OPCML: variants seen among roughly 807,000 people sequenced by gnomAD.
The protein encoded by OPCML is opioid binding protein/cell adhesion molecule like.
Under a neutral mutation model 37.8 loss-of-function variants are expected in OPCML, and 13 were observed. That is an observed-to-expected ratio of 0.34 (90% CI 0.22 to 0.55). The LOEUF is 0.55. Among genes scored for constraint, OPCML ranks in the 20% least tolerant of loss-of-function variants. The pLI, the probability that OPCML is intolerant of heterozygous loss-of-function variation, is 0.91. For missense variants in OPCML, 341 were observed against 435.6 expected (o/e 0.78, Z 1.93); for synonymous variants, 176 against 168.8 (o/e 1.04, Z -0.33).
At chr11:132,457,385 C>G (rs2512714) in intron 4 of OPCML, among the ~76,000 whole-genome samples, 1 of 151,956 alleles carries the variant, frequency 6.6e-6, no homozygotes, top group African/African-American at 2.4e-5. Flanking sequence ...AAGACCAAAC[C>G]TACACTGATA....
chr11:133,220,589 G>A (rs541962536), intron 1 of OPCML, among the ~76,000 whole-genome samples: 26 of 152,146 alleles, frequency 1.7e-4, no homozygotes, highest in African/African-American at 3.6e-4. Flanking sequence ...CTCAAGGAAC[G>A]CAGGCACTTT....
intron 1 of OPCML, among the ~76,000 whole-genome samples, chr11:133,266,201 T>C (rs1260913136): frequency 6.6e-6 from 1 of 152,162 alleles, no homozygotes; most frequent in African/African-American, 2.4e-5. Flanking sequence ...GGGAACGAAC[T>C]GAGGTGGCTT....
At chr11:133,357,838 G>C (rs965890839) in intron 1 of OPCML, among the ~76,000 whole-genome samples, 2 of 152,080 alleles carry the variant, frequency 1.3e-5, no homozygotes, top group African/African-American at 2.4e-5. Flanking sequence ...CAGGCTACTA[G>C]CACATTCAAA....
chr11:132,757,880 T>C (rs571883536), intron 2 of OPCML, among the ~76,000 whole-genome samples: 1 of 152,364 alleles, frequency 6.6e-6, no homozygotes, highest in South Asian at 2.1e-4. Flanking sequence ...TCCATGCCTA[T>C]GTCCTGAATG....
At chr11:133,452,293 C>A (rs1267408491) in intron 1 of OPCML, among the ~76,000 whole-genome samples, 3 of 138,266 alleles carry the variant, frequency 2.2e-5, no homozygotes, top group Non-Finnish European at 3.0e-5. Context: ...ACTTTAAAAT[C>A]TATTAAAATG....
At chr11:132,962,570 G>C (rs1946117115) in intron 1 of OPCML, among the ~76,000 whole-genome samples, 1 of 152,212 alleles carries the variant, frequency 6.6e-6, no homozygotes, top group South Asian at 2.1e-4. Context: ...TCTCATATTT[G>C]TCACAGAGGG....
intron 2 of OPCML, among the ~76,000 whole-genome samples, chr11:132,709,600 G>A (rs1944176728): frequency 6.6e-6 from 1 of 152,158 alleles, no homozygotes; most frequent in South Asian, 2.1e-4. Flanking sequence ...CAGGTATTCT[G>A]TAGCATGCCC....
chr11:133,156,180 C>T (rs1419236473), intron 1 of OPCML, among the ~76,000 whole-genome samples: 2 of 152,136 alleles, frequency 1.3e-5, no homozygotes, highest in African/African-American at 4.8e-5. Context: ...AAACAGAGCT[C>T]CCATTTTTAT....
chr11:132,660,479 C>A (rs540516246), intron 2 of OPCML, among the ~76,000 whole-genome samples: 14 of 152,262 alleles, frequency 9.2e-5, no homozygotes, highest in African/African-American at 3.4e-4. Context: ...CATTCAATTT[C>A]TCAGTATCTG....
At chr11:133,307,560 C>T (rs1267950913) in intron 1 of OPCML, among the ~76,000 whole-genome samples, 1 of 152,172 alleles carries the variant, frequency 6.6e-6, no homozygotes, top group Admixed American at 6.5e-5. Context: ...CCATGATGAA[C>T]ACACTGTTAT....
intron 1 of OPCML, among the ~76,000 whole-genome samples, chr11:133,479,656 C>A (rs1166011434): frequency 1.3e-5 from 2 of 152,220 alleles, no homozygotes; most frequent in Non-Finnish European, 2.9e-5. Flanking sequence ...GACCCTGCCA[C>A]TGCTCACACT....
intron 1 of OPCML, among the ~76,000 whole-genome samples, chr11:132,987,672 G>A (rs193060327): frequency 9.2e-5 from 14 of 152,216 alleles, no homozygotes; most frequent in Admixed American, 2.6e-4. Flanking sequence ...GAGCCAAAGC[G>A]GTGGCTATGA....
chr11:133,160,973 C>T (rs768919109), intron 1 of OPCML, among the ~76,000 whole-genome samples: 28 of 152,330 alleles, frequency 1.8e-4, no homozygotes, highest in Middle Eastern at 3.4e-3. Context: ...GAAGCAGCCC[C>T]GGCCCAGGTA....
At chr11:133,040,752 C>T (rs564838998) in intron 1 of OPCML, among the ~76,000 whole-genome samples, 1 of 152,116 alleles carries the variant, frequency 6.6e-6, no homozygotes, top group Non-Finnish European at 1.5e-5. Flanking sequence ...GACTGCGTCT[C>T]TCTGTGGGAG....
chr11:132,436,885 G>A, intron 5 of OPCML, 106 bp from the exon 6 acceptor site: 1 of 1,489,552 alleles, frequency 6.7e-7, no homozygotes, highest in East Asian at 2.4e-5. Flanking sequence ...CTATGTAAAT[G>A]GATTTCTTGT....
chr11:133,394,600 C>T (rs1945247400), intron 1 of OPCML, among the ~76,000 whole-genome samples: 2 of 152,166 alleles, frequency 1.3e-5, no homozygotes, highest in African/African-American at 4.8e-5. Context: ...TTCTGCTCTC[C>T]GCTCCATTAG....
At chr11:132,531,186 TGA>T (rs796161860) in intron 3 of OPCML, among the ~76,000 whole-genome samples, 8 of 152,316 alleles carry the variant, frequency 5.3e-5, no homozygotes, top group African/African-American at 1.9e-4. Flanking sequence ...AATTTCTCTT[TGA>T]AAGAAAGATC....
chr11:132,726,737 G>A (rs1021519206), intron 2 of OPCML, among the ~76,000 whole-genome samples: 1 of 152,132 alleles, frequency 6.6e-6, no homozygotes, highest in Non-Finnish European at 1.5e-5. Flanking sequence ...AGAGGAAGCA[G>A]AGAGTTAGGA....
intron 3 of OPCML, among the ~76,000 whole-genome samples, chr11:132,653,080 C>T (rs938367003): frequency 2.6e-5 from 4 of 152,196 alleles, no homozygotes; most frequent in South Asian, 4.1e-4. Context: ...TGTTAGGTTA[C>T]ACCTGTTCCC....
Sources: allele counts gnomAD v4.1 joint callset (sites outside exome capture counted in the v4.1 genomes callset), GRCh38; gene constraint gnomAD v4.1.1; transcripts MANE v1.5; gene names NCBI Gene and HGNC (gene_info 2026-07-23, HGNC 2026-07-21).